SHTN1: variants seen among roughly 807,000 people sequenced by gnomAD.
SHTN1 encodes shootin 1.
A neutral mutation model predicts 83.1 loss-of-function variants in SHTN1; 42 were observed. The ratio of observed to expected loss-of-function variants is 0.51; its 90% CI spans 0.39 to 0.65. SHTN1 has a LOEUF of 0.65. Ranked by LOEUF, SHTN1 falls within the 30% of genes least tolerant of loss-of-function variation. The probability of loss-of-function intolerance (pLI) is 0.00; values close to 1 mark genes in which losing one functional copy is unlikely to be tolerated. For synonymous variants in SHTN1, 224 were observed against 247.7 expected, an observed-to-expected ratio of 0.90 and a Z score of 0.90; for missense variants, 622 against 737.8, an observed-to-expected ratio of 0.84 and a Z score of 1.82.
At chr10:117,047,749 C>T (rs1341459969) in intron 2 of SHTN1, among the ~76,000 whole-genome samples, 1 of 104,626 alleles carries the variant, frequency 9.6e-6, no homozygotes, top group Non-Finnish European at 2.2e-5. Flanking sequence ...TACACAAATA[C>T]ATAAAGACCA....
chr10:116,886,707 A>T, intron 16 of SHTN1, 141 bp from the exon 17 acceptor site: 1 of 1,148,716 alleles, frequency 8.7e-7, no homozygotes, highest in Non-Finnish European at 1.2e-6. Flanking sequence ...TTGAGATGCC[A>T]GCCATTTAAA....
intron 1 of SHTN1, among the ~76,000 whole-genome samples, chr10:117,078,916 T>A (rs1853206791): frequency 6.6e-6 from 1 of 152,180 alleles, no homozygotes; most frequent in Admixed American, 6.5e-5. Flanking sequence ...TAGTCCATAA[T>A]TATCCTTACA....
intron 1 of SHTN1, among the ~76,000 whole-genome samples, chr10:117,069,250 T>A (rs765971913): frequency 3.9e-5 from 6 of 152,118 alleles, no homozygotes; most frequent in Non-Finnish European, 8.8e-5. Flanking sequence ...TTCACTGCAT[T>A]TAGGAAGCAG....
intron 1 of SHTN1, among the ~76,000 whole-genome samples, chr10:117,072,079 G>A (rs1277628947): frequency 6.6e-6 from 1 of 152,118 alleles, no homozygotes; most frequent in East Asian, 1.9e-4. Context: ...CTTACTTTGG[G>A]CCAATTTTGA....
chr10:117,066,879 T>G (rs867935214), intron 1 of SHTN1, among the ~76,000 whole-genome samples: 2 of 152,342 alleles, frequency 1.3e-5, no homozygotes, highest in South Asian at 4.1e-4. Context: ...TGCTCTTATC[T>G]GTGAAATAAA....
intron 1 of SHTN1, among the ~76,000 whole-genome samples, chr10:116,991,280 G>A (rs985699911): frequency 4.6e-5 from 7 of 152,190 alleles, no homozygotes; most frequent in African/African-American, 1.7e-4. Flanking sequence ...CTTTAGTATA[G>A]AATTTTGGTT....
At chr10:116,934,278 A>AG (rs1351549972) in intron 9 of SHTN1, among the ~76,000 whole-genome samples, 1 of 152,132 alleles carries the variant, frequency 6.6e-6, no homozygotes, top group African/African-American at 2.4e-5. Flanking sequence ...ATTTTCTCCT[A>AG]GGGTTTTTAT....
At chr10:117,019,839 A>G (rs1852234046) in intron 2 of SHTN1, among the ~76,000 whole-genome samples, 2 of 151,776 alleles carry the variant, frequency 1.3e-5, no homozygotes, top group South Asian at 2.1e-4. Flanking sequence ...AAAAAAAAAA[A>G]AGAGAAAAAG....
chr10:117,052,118 G>C (rs1852754287), intron 1 of SHTN1, among the ~76,000 whole-genome samples: 1 of 146,714 alleles, frequency 6.8e-6, no homozygotes. Flanking sequence ...AAAATCTATT[G>C]AATTACTATA....
At chr10:116,973,788 G>A (rs1164157767) in intron 2 of SHTN1, 6 of 981,120 alleles carry the variant, frequency 6.1e-6, no homozygotes, top group Non-Finnish European at 8.4e-6. Context: ...GTTCATTAAT[G>A]TCCAGTTACA....
At chr10:116,914,133 G>A (rs535321434) in intron 13 of SHTN1, among the ~76,000 whole-genome samples, 2 of 152,078 alleles carry the variant, frequency 1.3e-5, no homozygotes, top group East Asian at 3.9e-4. Flanking sequence ...AGCCACTCTC[G>A]CCTTGCCTGG....
intron 2 of SHTN1, among the ~76,000 whole-genome samples, chr10:117,046,310 C>T (rs1393998201): frequency 2.0e-5 from 3 of 151,954 alleles, no homozygotes; most frequent in Non-Finnish European, 4.4e-5. Context: ...TAGGTAAATG[C>T]AAATCAAAAC....
chr10:117,046,392 T>G (rs923105626), intron 2 of SHTN1, among the ~76,000 whole-genome samples: 1 of 152,090 alleles, frequency 6.6e-6, no homozygotes, highest in Admixed American at 6.6e-5. Flanking sequence ...GAGGAGAATG[T>G]GGAGAAATTG....
Position 116,911,775 on chromosome 10 carries a change from GA to G in SHTN1, c.1359+14del. On this transcript the variant is annotated intron_variant, in intron 14 of 16. Transcript: ENST00000355371. ...TTCCCCATTAGCTAAACAATAAACT[GA>G]AATCTATTCTTACCAGTATTCCTTT... 6.2e-7 allele frequency: 1 copy of G among 1,604,562 alleles called. No individual in the cohort carries two copies. Among genetic ancestry groups the G allele is most frequent in the South Asian group, 1.1e-5 (1 of 90,704 alleles).
intron 8 of SHTN1, among the ~76,000 whole-genome samples, chr10:116,943,976 C>G (rs540601560): frequency 6.6e-6 from 1 of 152,010 alleles, no homozygotes; most frequent in Non-Finnish European, 1.5e-5. Context: ...ACAGGTAAGC[C>G]GGAACAAGAG....
exon 1 of SHTN1, chr10:117,126,504 T>C (rs914564992): frequency 1.9e-3 from 276 of 146,336 alleles, no homozygotes; most frequent in Admixed American, 3.6e-3. Context: ...CTAGCACGCA[T>C]GCCCCTCGCC....
intron 1 of SHTN1, among the ~76,000 whole-genome samples, chr10:116,987,484 A>C (rs1851258471): frequency 6.6e-6 from 1 of 152,228 alleles, no homozygotes; most frequent in Non-Finnish European, 1.5e-5. Context: ...AGAAGTAGCA[A>C]GTGAACTATG....
At chr10:116,929,777 C>A in intron 10 of SHTN1, 72 bp downstream of exon 10, 2 of 998,600 alleles carry the variant, frequency 2.0e-6, no homozygotes, top group South Asian at 4.7e-5. Context: ...TAACTATATG[C>A]CAGGTTTTGT....
At position 117,062,083 on chromosome 10, in the gene SHTN1, C is replaced by T. The variant is rs72833443; in HGVS notation, c.-188-13573G>A. Among the ~76,000 whole-genome samples, 1,495 of 152,294 alleles carry T rather than the reference C, an allele frequency of 9.8e-3. 17 individuals carry two copies. Among genetic ancestry groups the T allele is most frequent in the South Asian group, 0.022 (105 of 4,818 alleles). On this transcript the variant is annotated intron_variant, in intron 1 of 17. Coordinates refer to the SHTN1 transcript ENST00000392901. ...GCTCTCCCTCCAGAAGAATTACTTTCCCTTCCCGTCACTGTGGCCTGATCA... is the reference window on the plus strand; with the variant it reads ...GCTCTCCCTCCAGAAGAATTACTTTTCCTTCCCGTCACTGTGGCCTGATCA...
Sources: allele counts gnomAD v4.1 joint callset (sites outside exome capture counted in the v4.1 genomes callset), GRCh38; gene constraint gnomAD v4.1.1; transcripts MANE v1.5; gene names NCBI Gene and HGNC (gene_info 2026-07-23, HGNC 2026-07-21).